Variants in TESPA1 observed in about 807,000 individuals in gnomAD.
TESPA1 encodes the protein thymocyte expressed, positive selection associated 1.
In TESPA1, 33 loss-of-function variants were observed where a neutral mutation model predicts 57.9. That is an observed-to-expected ratio of 0.57 (90% confidence interval 0.43 to 0.76). TESPA1 has a LOEUF of 0.76. Among genes scored for constraint, TESPA1 ranks in the 30% least tolerant of loss-of-function variants. TESPA1 has a pLI of 0.00. For missense variants in TESPA1, 618 were observed against 632.9 expected, an observed-to-expected ratio of 0.98 and a Z score of 0.25; for synonymous variants, 227 against 228.9, an observed-to-expected ratio of 0.99 and a Z score of 0.07.
intron 9 of TESPA1, among the ~76,000 whole-genome samples, chr12:54,961,671 T>C (rs1369606511): frequency 6.6e-6 from 1 of 152,218 alleles, no homozygotes; most frequent in Non-Finnish European, 1.5e-5. Flanking sequence ...CCTGCACTAT[T>C]CCTTCTAGAA....
rs1047600991 is a variant in TESPA1 at position 54,984,660 on chromosome 12, A to G, written c.-121T>C. 9 of 152,314 alleles carry G rather than the reference A, an allele frequency of 5.9e-5. No homozygotes were observed. The highest frequency in any genetic ancestry group is 2.2e-4 in the African/African-American group (9 of 41,472). 9.4% of individuals were successfully genotyped at this position (152,314 alleles called of 1,614,324 possible). On this transcript the variant is annotated 5_prime_UTR_variant, in exon 1 of 11. Coordinates refer to ENST00000449076, the MANE Select transcript of TESPA1 (RefSeq NM_001136030.3). The stretch of plus-strand genomic sequence containing the variant: ...GGCCGAGGCCTTCACAGGTGTGGGC[A>G]CAGAGGTGAAGCAAGTGAGAAAGTA...
chr12:54,962,311 T>C, intron 9 of TESPA1, 120 bp downstream of exon 9: 4 of 1,176,012 alleles, frequency 3.4e-6, no homozygotes, highest in African/African-American at 1.5e-5. Context: ...GAAAGTGGTA[T>C]ATCTGGCTAG....
intron 1 of TESPA1, chr12:54,983,870 A>G (rs1253270508): frequency 6.6e-6 from 1 of 152,158 alleles, no homozygotes; most frequent in Non-Finnish European, 1.5e-5. Context: ...GAAGCCCCCA[A>G]TATTATGTAG....
intron 3 of TESPA1, among the ~76,000 whole-genome samples, chr12:54,970,942 C>T (rs1037398338): frequency 3.9e-5 from 6 of 152,202 alleles, no homozygotes; most frequent in Non-Finnish European, 5.9e-5. Context: ...TCTGGTGATT[C>T]ATGAGCAACA....
chr12:54,962,422 C>T lies in TESPA1; in HGVS notation c.1467+9G>A. The T allele has an allele frequency of 1.2e-6, 2 of 1,607,380 alleles. No homozygotes were observed. Among genetic ancestry groups the T allele is most frequent in the Non-Finnish European group, 1.7e-6 (2 of 1,176,500 alleles). ...CTGCCAGTCTCTCCCTCACCTCCAACCCACTTACCTCCTCCAAGTCAAAAG... is the reference window on the plus strand; with the variant it reads ...CTGCCAGTCTCTCCCTCACCTCCAATCCACTTACCTCCTCCAAGTCAAAAG... On this transcript the variant is annotated intron_variant, in intron 9 of 10. Coordinates refer to ENST00000449076, the MANE Select transcript of TESPA1 (RefSeq NM_001136030.3).
chr12:54,957,221 C>T (rs1950787670), intron 10 of TESPA1, among the ~76,000 whole-genome samples: 1 of 152,166 alleles, frequency 6.6e-6, no homozygotes, highest in Admixed American at 6.5e-5. Context: ...AGCTGGGTGT[C>T]TCTGGGCAAT....
intron 8 of TESPA1, 117 bp from the exon 9 acceptor site, chr12:54,963,359 A>G: frequency 2.9e-6 from 3 of 1,034,070 alleles, no homozygotes; most frequent in South Asian, 1.7e-5. Context: ...CAATTTTCCT[A>G]CTAGTGTTTC....
rs1442141248 is a variant in TESPA1, at chr12:54,950,139, T to C, written c.*253A>G. 5.1e-6 allele frequency: 2 copies of C among 390,216 alleles called. No individual in the cohort carries two copies. Among genetic ancestry groups the C allele is most frequent in the Admixed American group, 6.1e-5 (2 of 32,934 alleles). 24.2% of individuals were successfully genotyped at this position (390,216 alleles called of 1,614,324 possible). On this transcript the variant is annotated 3_prime_UTR_variant, in exon 11 of 11. Transcript: ENST00000449076. Reference sequence around the variant, plus strand: ...GTAGAGAAACCAGTGTACAGAGAAATGAAGAGATGTGCCTAAGGTCTTTGT... The same window carrying C: ...GTAGAGAAACCAGTGTACAGAGAAACGAAGAGATGTGCCTAAGGTCTTTGT...
intron 10 of TESPA1, among the ~76,000 whole-genome samples, chr12:54,951,157 T>C (rs891338361): frequency 1.3e-5 from 2 of 151,940 alleles, no homozygotes; most frequent in African/African-American, 4.8e-5. Context: ...TCATGGGAGG[T>C]GATTGGATCA....
At chr12:54,955,454 A>G (rs1950674094) in intron 10 of TESPA1, among the ~76,000 whole-genome samples, 1 of 152,244 alleles carries the variant, frequency 6.6e-6, no homozygotes, top group South Asian at 2.1e-4. Flanking sequence ...CTGTCTTAAA[A>G]ATATGAGGTT....
At chr12:54,985,100 C>T (rs981169347), upstream of TESPA1, among the ~76,000 whole-genome samples, 4 of 152,142 alleles carry the variant, frequency 2.6e-5, no homozygotes, top group Middle Eastern at 3.2e-3. Flanking sequence ...AATGATCTGG[C>T]GTTTATCTCA....
At chr12:54,960,508 T>A (rs935127712) in intron 10 of TESPA1, among the ~76,000 whole-genome samples, 2 of 152,140 alleles carry the variant, frequency 1.3e-5, no homozygotes, top group Non-Finnish European at 2.9e-5. Flanking sequence ...CTGCTCTGAG[T>A]TCAATGATGT....
rs773560411 is a variant in TESPA1, at chr12:54,962,681, G to C, written c.1217C>G (p.Pro406Arg). 6.2e-7 allele frequency: 1 copy of C among 1,613,966 alleles called. No homozygotes were observed. Among genetic ancestry groups the C allele is most frequent in the East Asian group, 2.2e-5 (1 of 44,866 alleles). ...PIEDPQWSTD[P>R]AQIRRELCSL... Reference sequence around the variant, plus strand: ...ACACAGCTCTCTCCTTATCTGAGCTGGGTCTGTGCTCCACTGTGGATCTTC... The same window carrying C: ...ACACAGCTCTCTCCTTATCTGAGCTCGGTCTGTGCTCCACTGTGGATCTTC... Residue 406 changes from proline (P) to arginine (R), a missense_variant, in exon 9 of 11, where the codon CCA (proline) becomes CGA (arginine). Around this residue, in one of 3 missense-constraint regions of TESPA1, gnomAD observed 409 missense variants for 420.1 expected, o/e 0.97. Coordinates refer to ENST00000449076, the MANE Select transcript of TESPA1 (RefSeq NM_001136030.3).
At chr12:54,980,450 G>C (rs1256228130) in intron 1 of TESPA1, among the ~76,000 whole-genome samples, 1 of 152,228 alleles carries the variant, frequency 6.6e-6, no homozygotes, top group Non-Finnish European at 1.5e-5. Flanking sequence ...CTTTCAGGTT[G>C]TTGTGGCATT....
intron 1 of TESPA1, among the ~76,000 whole-genome samples, chr12:54,976,650 C>T (rs1952149965): frequency 6.6e-6 from 1 of 152,120 alleles, no homozygotes; most frequent in African/African-American, 2.4e-5. Flanking sequence ...TATTGGATCT[C>T]AGTTTGTCAG....
intron 2 of TESPA1, chr12:54,973,912 C>G (rs1592411236): frequency 9.5e-7 from 1 of 1,054,508 alleles, no homozygotes. Context: ...TTGTTTTACT[C>G]TTATGACTGT....
At chr12:54,966,929 A>G (rs1280703276) in intron 5 of TESPA1, among the ~76,000 whole-genome samples, 1 of 152,228 alleles carries the variant, frequency 6.6e-6, no homozygotes, top group East Asian at 1.9e-4. Context: ...TTTATATGTT[A>G]TCATCCCAGG....
intron 10 of TESPA1, among the ~76,000 whole-genome samples, chr12:54,958,265 A>G (rs1168974140): frequency 6.6e-6 from 1 of 152,184 alleles, no homozygotes; most frequent in Non-Finnish European, 1.5e-5. Flanking sequence ...TGCTGGACAA[A>G]CAACACTTAA....
chr12:54,974,266 AT>A lies in TESPA1; in HGVS notation c.163+133del, dbSNP rs1044918082. On this transcript the variant is annotated intron_variant, in intron 2 of 10. Coordinates refer to ENST00000449076, the MANE Select transcript of TESPA1 (RefSeq NM_001136030.3). ...TTACTTTAGCTTTTCTCCTAAACAT[AT>A]TTAAACCAGTCAAAACAGTCCTCCC... 1.3e-5 allele frequency: 9 copies of A among 694,580 alleles called. No homozygotes were observed. In the African/African-American group the frequency reaches 1.7e-4, roughly 13 times the overall value. The allele number at this position is 694,580 out of a possible 1,614,324, so 43.0% of individuals were successfully genotyped here.
Sources: gnomAD v4.1 joint callset for allele counts (sites outside exome capture counted in the v4.1 genomes callset) on GRCh38, gnomAD v4.1.1 for gene constraint, gnomAD v4.1.1 regional missense constraint, MANE v1.5 for transcripts, NCBI Gene and HGNC (gene_info 2026-07-23, HGNC 2026-07-21) for gene names.